CCDC3: variants seen among roughly 807,000 people sequenced by gnomAD.
CCDC3 encodes the protein coiled-coil domain containing 3, also known as coiled-coil domain-containing protein 3.
Under a neutral mutation model 21.4 loss-of-function variants are expected in CCDC3, and 24 were observed. The ratio of observed to expected loss-of-function variants is 1.12; its 90% CI spans 0.81 to 1.58. The LOEUF is 1.58. Among genes scored for constraint, CCDC3 ranks in the 40% most tolerant of loss-of-function variants. The pLI is 0.00. For synonymous variants in CCDC3, 186 were observed against 166.0 expected (o/e 1.12, Z -0.93); for missense variants, 425 against 360.9 (o/e 1.18, Z -1.44).
intron 5 of CCDC3, among the ~76,000 whole-genome samples, chr10:13,047,574 G>A (rs1836545303): frequency 6.6e-6 from 1 of 152,068 alleles, no homozygotes; most frequent in South Asian, 2.1e-4. Context: ...AACTAACCTG[G>A]CTCTCCCCTC....
intron 2 of CCDC3, among the ~76,000 whole-genome samples, chr10:12,939,698 C>T (rs1834791178): frequency 6.7e-6 from 1 of 148,466 alleles, no homozygotes; most frequent in African/African-American, 2.5e-5. Context: ...CTGGGAAGGC[C>T]AACCTCACAT....
intron 2 of CCDC3, among the ~76,000 whole-genome samples, chr10:12,952,009 A>C (rs1052819658): frequency 7.9e-5 from 12 of 152,236 alleles, no homozygotes; most frequent in African/African-American, 2.9e-4. Flanking sequence ...TATCTTCACC[A>C]TAGGCCACGA....
At chr10:13,040,016 A>G (rs1836429629) in intron 5 of CCDC3, among the ~76,000 whole-genome samples, 1 of 151,952 alleles carries the variant, frequency 6.6e-6, no homozygotes, top group Non-Finnish European at 1.5e-5. Flanking sequence ...TAGTCTATGA[A>G]TATCTGTCTG....
intron 2 of CCDC3, among the ~76,000 whole-genome samples, chr10:12,937,593 G>A (rs774180738): frequency 6.6e-6 from 1 of 152,070 alleles, no homozygotes; most frequent in Non-Finnish European, 1.5e-5. Context: ...CTCCCAAAAT[G>A]TTGGGATTGA....
intron 2 of CCDC3, among the ~76,000 whole-genome samples, chr10:12,942,397 A>AG (rs1251501498): frequency 1.3e-5 from 2 of 152,240 alleles, no homozygotes; most frequent in East Asian, 3.8e-4. Flanking sequence ...CCCTTTTAAT[A>AG]AAAAGCAGCT....
At chr10:13,085,939 C>T (rs936233534) in intron 3 of CCDC3, among the ~76,000 whole-genome samples, 2 of 150,480 alleles carry the variant, frequency 1.3e-5, no homozygotes, top group African/African-American at 4.9e-5. Flanking sequence ...TGCACTCCAG[C>T]CTGGGTGACA....
intron 5 of CCDC3, among the ~76,000 whole-genome samples, chr10:13,047,888 C>T (rs898542365): frequency 6.6e-6 from 1 of 152,172 alleles, no homozygotes; most frequent in African/African-American, 2.4e-5. Flanking sequence ...GTCCCAGAAA[C>T]AGTCTGTGGT....
At chr10:12,932,800 T>A (rs1306393692) in intron 2 of CCDC3, among the ~76,000 whole-genome samples, 1 of 152,234 alleles carries the variant, frequency 6.6e-6, no homozygotes, top group Non-Finnish European at 1.5e-5. Context: ...CTTTAGTTTT[T>A]TTGTAGATGT....
chr10:12,918,134 T>A (rs2131212936), intron 2 of CCDC3, among the ~76,000 whole-genome samples: 1 of 152,324 alleles, frequency 6.6e-6, no homozygotes, highest in South Asian at 2.1e-4. Flanking sequence ...CTGTATTACC[T>A]CCTTCTTTAG....
chr10:13,067,257 A>C (rs1186436388), intron 4 of CCDC3, among the ~76,000 whole-genome samples: 1 of 152,224 alleles, frequency 6.6e-6, no homozygotes, highest in Non-Finnish European at 1.5e-5. Flanking sequence ...ACAGCAATTA[A>C]GTTTCTCTCC....
chr10:13,073,416 T>C (rs1836910807), intron 4 of CCDC3, among the ~76,000 whole-genome samples: 1 of 152,214 alleles, frequency 6.6e-6, no homozygotes. Flanking sequence ...GTGTCATTAC[T>C]GCTCTGAAAG....
intron 2 of CCDC3, among the ~76,000 whole-genome samples, chr10:12,931,926 T>C (rs1834652529): frequency 1.3e-5 from 2 of 152,218 alleles, no homozygotes; most frequent in South Asian, 4.1e-4. Context: ...ACATTTTTTA[T>C]ATATAAAAAA....
At chr10:13,034,763 G>T (rs1398827873) in intron 5 of CCDC3, among the ~76,000 whole-genome samples, 1 of 152,230 alleles carries the variant, frequency 6.6e-6, no homozygotes, top group African/African-American at 2.4e-5. Context: ...GGTGGCTCAC[G>T]CCTGTAATCC....
intron 3 of CCDC3, among the ~76,000 whole-genome samples, chr10:13,079,877 A>G (rs1837013566): frequency 6.6e-6 from 1 of 152,204 alleles, no homozygotes; most frequent in South Asian, 2.1e-4. Flanking sequence ...ACAGAAAGCA[A>G]AAATCTTTTG....
intron 2 of CCDC3, among the ~76,000 whole-genome samples, chr10:12,932,939 G>A (rs762399613): frequency 1.3e-5 from 2 of 152,094 alleles, no homozygotes; most frequent in Non-Finnish European, 2.9e-5. Context: ...TTCTTCTCTA[G>A]CTTGTCATGA....
chr10:13,018,642 G>A (rs531148571), intron 5 of CCDC3, among the ~76,000 whole-genome samples: 1 of 152,252 alleles, frequency 6.6e-6, no homozygotes, highest in South Asian at 2.1e-4. Flanking sequence ...ATTGAAAAAT[G>A]AATAGAGGCC....
At chr10:13,093,377 A>T (rs1048314458) in intron 3 of CCDC3, among the ~76,000 whole-genome samples, 2 of 152,110 alleles carry the variant, frequency 1.3e-5, no homozygotes, top group African/African-American at 4.8e-5. Context: ...CCATGATTCA[A>T]TTATCTCCCA....
chr10:13,024,706 G>T (rs538197114), intron 5 of CCDC3, among the ~76,000 whole-genome samples: 1 of 152,082 alleles, frequency 6.6e-6, no homozygotes, highest in East Asian at 1.9e-4. Context: ...TCTGTTCTCC[G>T]TCATAGGCAA....
chr10:13,019,415 C>CCA (rs1337762702), intron 5 of CCDC3, among the ~76,000 whole-genome samples: 1 of 152,088 alleles, frequency 6.6e-6, no homozygotes, highest in African/African-American at 2.4e-5. Flanking sequence ...TAGCAAAAGC[C>CCA]CACAGGTATC....
Sources: gnomAD v4.1 joint callset for allele counts (sites outside exome capture counted in the v4.1 genomes callset) on GRCh38, gnomAD v4.1.1 for gene constraint, MANE v1.5 for transcripts, NCBI Gene and HGNC (gene_info 2026-07-23, HGNC 2026-07-21) for gene names.